CUL4B: variants seen among roughly 807,000 people sequenced by gnomAD.
CUL4B encodes cullin-4B.
A neutral mutation model predicts 69.2 loss-of-function variants in CUL4B; 1 was observed. The observed-to-expected ratio is 0.01, with a 90% CI of 0.01 to 0.07. The LOEUF (loss-of-function observed/expected upper bound fraction) is 0.07. Among genes scored for constraint, CUL4B ranks in the 10% least tolerant of loss-of-function variants. The pLI is 1.00. For missense variants in CUL4B, 328 were observed against 638.8 expected, an observed-to-expected ratio of 0.51 and a Z score of 5.24; for synonymous variants, 237 against 223.2, an observed-to-expected ratio of 1.06 and a Z score of -0.55.
At chrX:120,544,230 T>A in intron 6 of CUL4B, 27 bp from the exon 7 acceptor site, 12 of 1,019,595 alleles carry the variant, frequency 1.2e-5, no homozygotes, top group Non-Finnish European at 1.7e-5. Context: ...ATGAAGGAGA[T>A]CATTTATTTA....
chrX:120,531,901 T>C (rs1280825986), intron 18 of CUL4B, among the ~76,000 whole-genome samples: 1 of 111,386 alleles, frequency 9.0e-6, no homozygotes, highest in Non-Finnish European at 1.9e-5. Flanking sequence ...GAGTATAAAC[T>C]GGTCCAGCCT....
At chrX:120,567,643 C>T (rs1482838807), downstream of CUL4B, among the ~76,000 whole-genome samples, 2 of 106,432 alleles carry the variant, frequency 1.9e-5, no homozygotes, top group Non-Finnish European at 3.9e-5. Flanking sequence ...CTTTGGGAGG[C>T]CGAGGCAGGA....
chrX:120,561,196 G>A (rs896944941), upstream of CUL4B: 9 of 641,031 alleles, frequency 1.4e-5, no homozygotes, highest in South Asian at 8.7e-5. Context: ...TCGCGCGTGA[G>A]GGGGCGGCTG....
At chrX:120,565,338 T>A (rs755174339), upstream of CUL4B, among the ~76,000 whole-genome samples, 1 of 109,156 alleles carries the variant, frequency 9.2e-6, no homozygotes, top group Non-Finnish European at 1.9e-5. Context: ...TTTCTGAGAA[T>A]GCATTAAAAA....
chrX:120,557,513 A>C (rs1296769855), intron 2 of CUL4B, among the ~76,000 whole-genome samples: 1 of 111,844 alleles, frequency 8.9e-6, no homozygotes, highest in African/African-American at 3.3e-5. Flanking sequence ...ATTAAGAAGG[A>C]GGTAGAATAA....
intron 15 of CUL4B, among the ~76,000 whole-genome samples, chrX:120,536,512 G>A (rs1923680980): frequency 8.9e-6 from 1 of 112,216 alleles, no homozygotes; most frequent in African/African-American, 3.2e-5. Context: ...TGAAATATGT[G>A]CAAGAATTCT....
chrX:120,526,940 C>T, intron 19 of CUL4B, 84 bp from the exon 20 acceptor site: 1 of 499,008 alleles, frequency 2.0e-6, no homozygotes, highest in East Asian at 3.9e-5. Context: ...AAAAAGACAA[C>T]AGTTTCGGCT....
At chrX:120,540,959 A>G (rs1923953608) in intron 10 of CUL4B, among the ~76,000 whole-genome samples, 1 of 112,751 alleles carries the variant, frequency 8.9e-6, no homozygotes, top group Admixed American at 9.4e-5. Flanking sequence ...TCTTTTCCTT[A>G]TTTTTAAAGA....
At chrX:120,540,293 T>G in intron 11 of CUL4B, 77 bp downstream of exon 11, 1 of 964,929 alleles carries the variant, frequency 1.0e-6, no homozygotes, top group Non-Finnish European at 1.5e-6. Context: ...TACTACAACC[T>G]GGTAAAAATT....
At chrX:120,559,897 A>G (rs1455592640) in intron 1 of CUL4B, 186 bp downstream of exon 1, 7 of 1,139,794 alleles carry the variant, frequency 6.1e-6, no homozygotes, top group Non-Finnish European at 8.1e-6. Flanking sequence ...ATGCTTCAGC[A>G]CAAGGATCCT....
chrX:120,561,785 A>G (rs1349016981), upstream of CUL4B, among the ~76,000 whole-genome samples: 3 of 110,974 alleles, frequency 2.7e-5, no homozygotes, highest in African/African-American at 3.3e-5. Flanking sequence ...AAACATAATC[A>G]TGCCATTATG....
intron 8 of CUL4B, among the ~76,000 whole-genome samples, chrX:120,543,480 C>T (rs1924123479): frequency 1.1e-5 from 1 of 88,950 alleles, no homozygotes; most frequent in Non-Finnish European, 2.1e-5. Context: ...AGTATTATTT[C>T]TAAATTACCT....
At chrX:120,573,292 C>T (rs1184126039) in intron 2 of CUL4B, among the ~76,000 whole-genome samples, 1 of 110,963 alleles carries the variant, frequency 9.0e-6, no homozygotes, top group African/African-American at 3.3e-5. Context: ...AGAGATCTAC[C>T]TCATTCTTTT....
intron 16 of CUL4B, 63 bp downstream of exon 16, chrX:120,535,767 G>T: frequency 6.1e-6 from 3 of 491,567 alleles, no homozygotes; most frequent in Non-Finnish European, 1.1e-5. Context: ...TTTCAGTTAA[G>T]AAGGATGACC....
In CUL4B at chrX:120,529,224, G is replaced by A. The variant is rs768989505; in HGVS notation, c.2592+878C>T. On this transcript the variant is annotated intron_variant, in intron 19 of 19. Transcript: ENST00000371322. ...GTGAGAGGGTGGTAATGAGGAGTGC[G>A]ATATTAGGTTTGGAGAAAAGAAAAT... Among the ~76,000 whole-genome samples the A allele has an allele frequency of 3.3e-3, 369 of 111,479 alleles. 1 individual carries two copies. Among genetic ancestry groups the A allele is most frequent in the African/African-American group, 0.012 (357 of 30,709 alleles).
At position 120,560,489 on chromosome X, in the gene CUL4B, G is replaced by C. The variant is rs1285124738; in HGVS notation, c.150C>G (p.Asn50Lys). The C allele has an allele frequency of 5.0e-6, 6 of 1,208,833 alleles. No individual in the cohort carries two copies. Among genetic ancestry groups the C allele is most frequent in the Non-Finnish European group, 6.7e-6 (6 of 894,483 alleles). The change falls in exon 1 of 20, where the codon AAC becomes AAG. Residue 50 changes from asparagine to lysine, a missense_variant. Physicochemically the swap from Asn to Lys is moderately conservative, Grantham distance 94 (BLOSUM62 0). Around this residue, in one of 4 missense-constraint regions of CUL4B, gnomAD observed 102 missense variants for 122.1 expected, o/e 0.84. Coordinates refer to ENST00000371322, the MANE Select transcript of CUL4B (RefSeq NM_001079872.2). ...KLNSSSSSSS[N>K]SSNEREDFDS... ...CAAAGTCTTCTCTCTCGTTACTACT[G>C]TTACTGCTGCTACTGCTGCTGCTGT...
Position 120,536,923 on chromosome X carries a change from T to C in CUL4B, c.2046+4A>G, listed in dbSNP as rs1188446205. The C allele has an allele frequency of 8.7e-7, 1 of 1,149,015 alleles. No homozygotes were observed. Among genetic ancestry groups the C allele is most frequent in the Non-Finnish European group, 1.2e-6 (1 of 838,349 alleles). 94.7% of individuals were successfully genotyped at this position (1,149,015 alleles called of 1,213,427 possible). A position where few individuals can be genotyped will look rare whatever the true frequency, so the allele number is the denominator to read the frequency against. Reference sequence around the variant, plus strand: ...ATAACTCAGTTCTAAACAGTAACTCTTACCTCTGGTGGTAAATGAACTTCC... The same window carrying C: ...ATAACTCAGTTCTAAACAGTAACTCCTACCTCTGGTGGTAAATGAACTTCC... On this transcript the variant is annotated splice_donor_region_variant and intron_variant, in intron 15 of 19. Coordinates refer to ENST00000371322, the MANE Select transcript of CUL4B (RefSeq NM_001079872.2).
At chrX:120,546,427 T>C (rs1211047109) in intron 4 of CUL4B, 120 bp downstream of exon 4, 1 of 475,197 alleles carries the variant, frequency 2.1e-6, no homozygotes, top group African/African-American at 2.5e-5. Flanking sequence ...AGAAAAGGAA[T>C]AGATATTGAA....
At chrX:120,538,634 A>G in intron 13 of CUL4B, 26 bp downstream of exon 13, 3 of 972,184 alleles carry the variant, frequency 3.1e-6, no homozygotes, top group Non-Finnish European at 4.4e-6. Flanking sequence ...ATCAAAGAAA[A>G]GGAACAGAAA....
Sources: gnomAD v4.1 joint callset for allele counts (sites outside exome capture counted in the v4.1 genomes callset) on GRCh38, gnomAD v4.1.1 for gene constraint, gnomAD v4.1.1 regional missense constraint, MANE v1.5 for transcripts, NCBI Gene and HGNC (gene_info 2026-07-23, HGNC 2026-07-21) for gene names.